The following CTPS1 variants were observed in gnomAD, a reference collection of about 807,000 sequenced individuals.
The protein encoded by CTPS1 is CTP synthase 1, also known as CTP synthetase 1.
Under a neutral mutation model 80.5 loss-of-function variants are expected in CTPS1, and 25 were observed. That is an observed-to-expected ratio of 0.31 (90% CI 0.23 to 0.43). The LOEUF is 0.43. Ranked by LOEUF, CTPS1 falls within the 20% of genes least tolerant of loss-of-function variation. The pLI is 1.00. For synonymous variants in CTPS1, 267 were observed against 252.5 expected (o/e 1.06, Z -0.54); for missense variants, 442 against 725.7 (o/e 0.61, Z 4.49).
At chr1:41,011,103 C>T (rs762512718) in intron 18 of CTPS1, among the ~76,000 whole-genome samples, 13 of 152,312 alleles carry the variant, frequency 8.5e-5, no homozygotes, top group South Asian at 2.1e-4. Flanking sequence ...GGGTCAGTGC[C>T]GGTCTGACCT....
At chr1:41,003,609 G>T (rs779789823) in intron 12 of CTPS1, among the ~76,000 whole-genome samples, 1 of 152,108 alleles carries the variant, frequency 6.6e-6, no homozygotes, top group South Asian at 2.1e-4. Flanking sequence ...ATGGGCCTCC[G>T]TTTTTTCTGT....
chr1:40,998,090 T>C (rs1048445919), intron 9 of CTPS1, among the ~76,000 whole-genome samples: 2 of 151,860 alleles, frequency 1.3e-5, no homozygotes, highest in African/African-American at 4.8e-5. Flanking sequence ...GGCAGTAGAG[T>C]GTCATGGTTA....
intron 13 of CTPS1, among the ~76,000 whole-genome samples, 193 bp downstream of exon 13, chr1:41,006,287 C>G (rs1048315232): frequency 6.6e-6 from 1 of 152,142 alleles, no homozygotes; most frequent in Non-Finnish European, 1.5e-5. Context: ...CCTAATCTTT[C>G]ATTGACCACA....
At chr1:40,992,040 G>A (rs1194709683) in intron 7 of CTPS1, among the ~76,000 whole-genome samples, 195 bp downstream of exon 7, 2 of 152,060 alleles carry the variant, frequency 1.3e-5, no homozygotes, top group Admixed American at 6.5e-5. Context: ...CCTCTTCTCC[G>A]TGCCTCGTTG....
chr1:40,984,468 CA>C (rs1642402079), intron 2 of CTPS1, among the ~76,000 whole-genome samples: 1 of 152,194 alleles, frequency 6.6e-6, no homozygotes, highest in African/African-American at 2.4e-5. Flanking sequence ...ATATTATGCT[CA>C]ATTAGGAGAC....
intron 9 of CTPS1, among the ~76,000 whole-genome samples, chr1:40,999,428 A>G (rs1398530127): frequency 6.6e-6 from 1 of 152,232 alleles, no homozygotes; most frequent in African/African-American, 2.4e-5. Flanking sequence ...AGTGGGCACG[A>G]GATTTGAACA....
chr1:40,999,058 T>C (rs1312114688), intron 9 of CTPS1, among the ~76,000 whole-genome samples: 1 of 152,180 alleles, frequency 6.6e-6, no homozygotes, highest in East Asian at 1.9e-4. Context: ...TAAGGAATAT[T>C]GAGTCTCTTA....
At position 40,997,004 on chromosome 1, in the gene CTPS1, CA is replaced by C. The variant is rs918780448; in HGVS notation, c.873-380del. 3.9e-4 allele frequency: 59 copies of C among 152,150 alleles called. No homozygotes were observed. In the East Asian group the frequency reaches 4.4e-3, roughly 11 times the overall value. 9.4% of individuals were successfully genotyped at this position (152,150 alleles called of 1,614,324 possible). On this transcript the variant is annotated intron_variant, in intron 8 of 18. Coordinates refer to ENST00000650070, the MANE Select transcript of CTPS1 (RefSeq NM_001905.4). ...CTCTTTGTAAGTTTCAAAACAAAAA[CA>C]AAAAAAAAATTTTTCTTTACAAAGC...
In CTPS1 at chr1:40,988,721, C is replaced by T. The variant is rs773320219; in HGVS notation, c.555+11C>T. On this transcript the variant is annotated intron_variant, in intron 5 of 18. Transcript: ENST00000650070. ...AGTCTAGTTCCCCAGGTAAGTAAGA[C>T]ATTGAAAGTTTTACTTTGGGGGAGA... The T allele has an allele frequency of 5.7e-6, 9 of 1,572,630 alleles. 1 individual carries two copies. Among genetic ancestry groups the T allele is most frequent in the Non-Finnish European group, 7.0e-6 (8 of 1,143,008 alleles).
At chr1:40,982,031 A>T (rs1558126558) in intron 1 of CTPS1, 2 of 1,287,760 alleles carry the variant, frequency 1.6e-6, no homozygotes, top group Non-Finnish European at 1.0e-6. Context: ...TGTGTTTTTC[A>T]TTTTGGTCAC....
At chr1:40,982,009 C>G (rs1193331857) in intron 1 of CTPS1, 1 of 1,288,664 alleles carries the variant, frequency 7.8e-7, no homozygotes, top group Non-Finnish European at 1.0e-6. Context: ...GCATTTTCTG[C>G]TACTTTCTAA....
intron 17 of CTPS1, 139 bp downstream of exon 17, chr1:41,009,728 T>G (rs1365011355): frequency 3.1e-6 from 3 of 973,742 alleles, no homozygotes; most frequent in Non-Finnish European, 4.5e-6. Flanking sequence ...TTCCTCTCCT[T>G]TCCCGGAGCT....
intron 6 of CTPS1, 115 bp from the exon 7 acceptor site, chr1:40,991,650 G>A: frequency 1.5e-6 from 1 of 688,766 alleles, no homozygotes; most frequent in South Asian, 1.8e-5. Context: ...GGTGCTGAGA[G>A]TTAACGTTTT....
At chr1:41,005,845 A>G (rs942406728) in intron 12 of CTPS1, among the ~76,000 whole-genome samples, 8 of 152,004 alleles carry the variant, frequency 5.3e-5, no homozygotes, top group African/African-American at 1.9e-4. Context: ...TCAAGGCTGC[A>G]GTGAGCTATG....
chr1:40,980,047 G>A (rs1174443562), intron 1 of CTPS1: 3 of 151,170 alleles, frequency 2.0e-5, no homozygotes, highest in Non-Finnish European at 4.4e-5. Context: ...CCCGCGCGCG[G>A]GCCTCGTGGC....
At chr1:40,990,874 G>C (rs959581294) in intron 5 of CTPS1, among the ~76,000 whole-genome samples, 3 of 152,180 alleles carry the variant, frequency 2.0e-5, no homozygotes, top group Non-Finnish European at 4.4e-5. Context: ...ATGCCTCCAA[G>C]TAAATGTGGA....
At chr1:40,979,869 C>A in intron 1 of CTPS1, 40 bp downstream of exon 1, 1 of 152,206 alleles carries the variant, frequency 6.6e-6, no homozygotes, top group East Asian at 1.9e-4. Flanking sequence ...ATCTGTTCTC[C>A]CGCGCAGGAG....
chr1:41,010,244 G>C lies in CTPS1; in HGVS notation c.1775G>C (p.Ter592SerextTer5). 2 of 1,610,348 alleles carry C rather than the reference G, an allele frequency of 1.2e-6. No homozygotes were observed. Among genetic ancestry groups the C allele is most frequent in the Non-Finnish European group, 1.7e-6 (2 of 1,176,654 alleles). The change falls in exon 18 of 19, where the codon TGA becomes TCA. Residue 592 changes from the stop codon to serine (S), a stop_lost. Coordinates refer to ENST00000650070, the MANE Select transcript of CTPS1 (RefSeq NM_001905.4). ...ELKFPSINHD[*>S] ...AAGTTTCCATCAATAAATCATGACT[G>C]ATCTTGTAGCGTAAGTGGTACTTTA...
chr1:40,991,754 T>A lies in CTPS1; in HGVS notation c.640-11T>A. On this transcript the variant is annotated splice_polypyrimidine_tract_variant and intron_variant, in intron 6 of 18. Coordinates refer to ENST00000650070, the MANE Select transcript of CTPS1 (RefSeq NM_001905.4). ...TCCTTCTGTCTAAGCCATCTTGTTCTCTACTGCTAGGTTGTATGCAGGTGC... is the reference window on the plus strand; with the variant it reads ...TCCTTCTGTCTAAGCCATCTTGTTCACTACTGCTAGGTTGTATGCAGGTGC... 1 of 1,605,860 alleles carries A rather than the reference T, an allele frequency of 6.2e-7. No homozygotes were observed. The highest frequency in any genetic ancestry group is 8.5e-7 in the Non-Finnish European group (1 of 1,172,498).
Sources: gnomAD v4.1 joint callset for allele counts (sites outside exome capture counted in the v4.1 genomes callset) on GRCh38, gnomAD v4.1.1 for gene constraint, MANE v1.5 for transcripts, NCBI Gene and HGNC (gene_info 2026-07-23, HGNC 2026-07-21) for gene names.